Variants in STK3 observed in about 807,000 individuals in gnomAD.
STK3 encodes the protein serine/threonine kinase 3.
In STK3, 41 loss-of-function variants were observed where a neutral mutation model predicts 58.0. That is an observed-to-expected ratio of 0.71 (90% CI 0.55 to 0.92). The LOEUF is 0.92. STK3 is among the 40% of genes least tolerant of loss of function. The probability of loss-of-function intolerance (pLI) is 0.00; values close to 1 mark genes in which losing one functional copy is unlikely to be tolerated. For synonymous variants in STK3, 170 were observed against 191.0 expected (o/e 0.89, Z 0.91); for missense variants, 479 against 602.7 (o/e 0.79, Z 2.15).
chr8:98,484,795 A>G (rs1822117054), intron 10 of STK3, among the ~76,000 whole-genome samples: 1 of 152,188 alleles, frequency 6.6e-6, no homozygotes. Context: ...ATGACAAATA[A>G]TATCTATATG....
At chr8:98,607,832 T>G (rs910703706) in intron 6 of STK3, among the ~76,000 whole-genome samples, 1 of 152,184 alleles carries the variant, frequency 6.6e-6, no homozygotes, top group Non-Finnish European at 1.5e-5. Flanking sequence ...AATTATAAAA[T>G]TTAAGCTTTC....
intron 1 of STK3, among the ~76,000 whole-genome samples, chr8:98,780,505 T>G (rs979732114): frequency 7.9e-5 from 12 of 152,180 alleles, no homozygotes; most frequent in African/African-American, 2.9e-4. Flanking sequence ...TAGCCCTTTT[T>G]TCGAGATTAT....
intron 3 of STK3, chr8:98,432,433 C>T (rs757552370): frequency 1.2e-5 from 2 of 167,068 alleles, no homozygotes; most frequent in Non-Finnish European, 2.9e-5. Context: ...ACGTCTGTTG[C>T]ACAAATGCAT....
intron 6 of STK3, among the ~76,000 whole-genome samples, chr8:98,693,009 A>T (rs1402649394): frequency 1.3e-5 from 2 of 152,166 alleles, no homozygotes; most frequent in African/African-American, 2.4e-5. Flanking sequence ...TGAAAGCAGA[A>T]GATCATCCTG....
intron 2 of STK3, among the ~76,000 whole-genome samples, chr8:98,374,598 C>T (rs2130993093): frequency 6.6e-6 from 1 of 152,294 alleles, no homozygotes; most frequent in Non-Finnish European, 1.5e-5. Flanking sequence ...TGCAGTCAGT[C>T]CTGGAGAGCA....
At chr8:98,838,332 T>G (rs1345127640) in intron 3 of STK3, among the ~76,000 whole-genome samples, 1 of 152,214 alleles carries the variant, frequency 6.6e-6, no homozygotes, top group Non-Finnish European at 1.5e-5. Flanking sequence ...ATTTTTGATC[T>G]TTCAATTTCT....
At chr8:98,915,456 A>AAC (rs1839312233) in intron 1 of STK3, among the ~76,000 whole-genome samples, 1 of 86,770 alleles carries the variant, frequency 1.2e-5, no homozygotes. Context: ...ATATATATAT[A>AAC]TATATATATA....
intron 9 of STK3, 125 bp downstream of exon 9, chr8:98,547,844 A>T (rs1261567194): frequency 3.8e-6 from 3 of 790,820 alleles, no homozygotes; most frequent in South Asian, 7.3e-5. Context: ...TTTTACTGTT[A>T]CATAAATCTA....
At chr8:98,382,428 C>T (rs1453945449) in intron 1 of STK3, among the ~76,000 whole-genome samples, 4 of 152,088 alleles carry the variant, frequency 2.6e-5, no homozygotes, top group Non-Finnish European at 5.9e-5. Flanking sequence ...GCCCAGGGTC[C>T]CAGAAGGCAG....
chr8:98,620,466 TAAAA>T lies in STK3; in HGVS notation c.685-24301_685-24298del, dbSNP rs567110846. 9.5e-4 allele frequency among the ~76,000 whole-genome samples: 100 copies of T among 105,236 alleles called. 1 individual carries two copies. Among genetic ancestry groups the T allele is most frequent in the African/African-American group, 3.6e-3 (99 of 27,344 alleles). 69.0% of individuals were successfully genotyped at this position (105,236 alleles called of 152,430 possible). On this transcript the variant is annotated intron_variant, in intron 6 of 10. Transcript: ENST00000419617. ...ATGTACCCTAAAACTTAAAGTATAA[TAAAA>T]AAAATAAATAAATAAATAAATAAAT...
upstream of STK3, among the ~76,000 whole-genome samples, chr8:98,828,283 A>G (rs1267702215): frequency 1.3e-5 from 2 of 151,878 alleles, no homozygotes; most frequent in African/African-American, 4.8e-5. Flanking sequence ...GCTCACTCCC[A>G]TCTTTTTGTG....
chr8:98,356,715 A>G, the STK3 span, among the ~76,000 whole-genome samples: 1 of 152,242 alleles, frequency 6.6e-6, no homozygotes, highest in African/African-American at 2.4e-5. Flanking sequence ...GACCTCACAA[A>G]AATGCGCGGC....
chr8:98,878,524 C>T (rs923898536), intron 3 of STK3, among the ~76,000 whole-genome samples: 3 of 152,194 alleles, frequency 2.0e-5, no homozygotes, highest in Admixed American at 1.3e-4. Context: ...CTGTCATAAC[C>T]ATTTTTCCCG....
intron 7 of STK3, among the ~76,000 whole-genome samples, chr8:98,590,868 T>G (rs773200737): frequency 7.9e-5 from 12 of 152,242 alleles, no homozygotes; most frequent in Non-Finnish European, 1.8e-4. Context: ...AATGCCATTT[T>G]ATCACAATTG....
chr8:98,634,473 C>T (rs1441917769), intron 6 of STK3, among the ~76,000 whole-genome samples: 1 of 152,012 alleles, frequency 6.6e-6, no homozygotes, highest in Non-Finnish European at 1.5e-5. Context: ...GCACTCTAGT[C>T]TGGGTGACAG....
intron 10 of STK3, among the ~76,000 whole-genome samples, chr8:98,471,442 T>C (rs1345018996): frequency 2.0e-5 from 3 of 151,662 alleles, no homozygotes; most frequent in Non-Finnish European, 4.4e-5. Flanking sequence ...CTGCATTTAG[T>C]ACAGCTAACC....
chr8:98,713,692 A>G (rs1826740826), intron 4 of STK3, among the ~76,000 whole-genome samples: 1 of 152,234 alleles, frequency 6.6e-6, no homozygotes, highest in African/African-American at 2.4e-5. Context: ...GAATTCTACC[A>G]GAGGTACAAG....
chr8:98,530,533 C>T (rs1826092831), intron 9 of STK3, among the ~76,000 whole-genome samples: 1 of 152,194 alleles, frequency 6.6e-6, no homozygotes, highest in South Asian at 2.1e-4. Context: ...TAAGATTTGA[C>T]TGGAGTGTCA....
chr8:98,707,418 T>C (rs118130714), intron 4 of STK3, 107 bp from the exon 5 acceptor site: 9,814 of 850,518 alleles, frequency 0.012, 77 homozygotes, highest in Non-Finnish European at 0.015. Context: ...GTGTGTGTTT[T>C]TTTTTAAGAG....
Sources: allele counts gnomAD v4.1 joint callset (sites outside exome capture counted in the v4.1 genomes callset), GRCh38; gene constraint gnomAD v4.1.1; transcripts MANE v1.5; gene names NCBI Gene and HGNC (gene_info 2026-07-23, HGNC 2026-07-21).